TBXAS1: variants seen among roughly 807,000 people sequenced by gnomAD.
TBXAS1 encodes thromboxane-A synthase.
Under a neutral mutation model 60.7 loss-of-function variants are expected in TBXAS1, and 48 were observed. The observed-to-expected ratio is 0.79, with a 90% CI of 0.63 to 1.01. TBXAS1 has a LOEUF of 1.01. Ranked by LOEUF, TBXAS1 falls within the 50% of genes least tolerant of loss-of-function variation. The probability of loss-of-function intolerance (pLI) is 0.00; values close to 1 mark genes in which losing one functional copy is unlikely to be tolerated. For missense variants in TBXAS1, 685 were observed against 686.3 expected, an observed-to-expected ratio of 1.00 and a Z score of 0.02; for synonymous variants, 287 against 269.7, an observed-to-expected ratio of 1.06 and a Z score of -0.63.
intron 9 of TBXAS1, among the ~76,000 whole-genome samples, chr7:139,985,396 G>A (rs1345046728): frequency 6.6e-6 from 1 of 152,230 alleles, no homozygotes; most frequent in African/African-American, 2.4e-5. Context: ...ATGGTGTGGA[G>A]TACAGAGCGG....
chr7:139,822,636 A>G (rs191026257), intron 4 of TBXAS1, among the ~76,000 whole-genome samples: 2 of 152,258 alleles, frequency 1.3e-5, no homozygotes, highest in East Asian at 3.9e-4. Context: ...GTCGTACTGT[A>G]TGGCACTATC....
chr7:139,943,806 T>C (rs1445923153), intron 5 of TBXAS1, among the ~76,000 whole-genome samples: 3 of 152,170 alleles, frequency 2.0e-5, no homozygotes, highest in Non-Finnish European at 2.9e-5. Context: ...ATAAGTTTCA[T>C]TAGTGGAAAT....
At chr7:139,818,131 G>T (rs932064882) in intron 4 of TBXAS1, among the ~76,000 whole-genome samples, 2 of 152,188 alleles carry the variant, frequency 1.3e-5, no homozygotes, top group Non-Finnish European at 2.9e-5. Context: ...AGTAGGATTG[G>T]GGTGCTGTGG....
chr7:139,983,445 G>T (rs992925196), intron 9 of TBXAS1, among the ~76,000 whole-genome samples: 2 of 152,214 alleles, frequency 1.3e-5, no homozygotes, highest in Non-Finnish European at 2.9e-5. Context: ...GGCTCAGAGA[G>T]GTTAAGTGTT....
At chr7:139,814,941 T>G (rs559494695) in intron 4 of TBXAS1, among the ~76,000 whole-genome samples, 1 of 152,288 alleles carries the variant, frequency 6.6e-6, no homozygotes, top group African/African-American at 2.4e-5. Context: ...CATCCTCCCC[T>G]AGCACCTGTC....
chr7:139,784,139 G>GCCTA (rs888558134), intron 3 of TBXAS1, among the ~76,000 whole-genome samples: 1 of 148,552 alleles, frequency 6.7e-6, no homozygotes, highest in African/African-American at 2.5e-5. Context: ...CTGCCTGCCT[G>GCCTA]CCTGCCTGCC....
At chr7:139,857,585 A>G (rs1800665838) in intron 1 of TBXAS1, among the ~76,000 whole-genome samples, 1 of 152,160 alleles carries the variant, frequency 6.6e-6, no homozygotes, top group Admixed American at 6.5e-5. Flanking sequence ...ATAGAAACAC[A>G]CGTTGTGTGT....
intron 1 of TBXAS1, among the ~76,000 whole-genome samples, chr7:139,871,800 C>A (rs1801842973): frequency 6.6e-6 from 1 of 152,104 alleles, no homozygotes; most frequent in Non-Finnish European, 1.5e-5. Context: ...TTAGTCTTGA[C>A]CATGAAAATA....
intron 3 of TBXAS1, among the ~76,000 whole-genome samples, chr7:139,910,946 T>C (rs1398302932): frequency 6.6e-6 from 1 of 152,228 alleles, no homozygotes; most frequent in Non-Finnish European, 1.5e-5. Flanking sequence ...CCTATTAGGC[T>C]GTAATAAGCT....
At chr7:139,984,766 A>G (rs1344899020) in intron 9 of TBXAS1, among the ~76,000 whole-genome samples, 1 of 86,946 alleles carries the variant, frequency 1.2e-5, no homozygotes, top group Non-Finnish European at 2.4e-5. Flanking sequence ...GAAAGAAAGC[A>G]GGAAAGAAAG....
intron 9 of TBXAS1, among the ~76,000 whole-genome samples, chr7:139,966,880 C>T (rs41719): frequency 6.6e-6 from 1 of 152,164 alleles, no homozygotes. Flanking sequence ...CCCTCCCCCA[C>T]CCCTGCTGGG....
rs568397675 is a variant in TBXAS1 at position 140,010,308 on chromosome 7, C to T, written c.1226+3126C>T. Reference sequence around the variant, plus strand: ...TATTATTTTATTTCATCTCAAAAAGCGTGTTGACTTTTCCCAAGTGCTGAC... The same window carrying T: ...TATTATTTTATTTCATCTCAAAAAGTGTGTTGACTTTTCCCAAGTGCTGAC... On this transcript the variant is annotated intron_variant, in intron 10 of 12. Transcript: ENST00000448866. Among the ~76,000 whole-genome samples, 15 of 152,220 alleles carry T rather than the reference C, an allele frequency of 9.9e-5. No homozygotes were observed. In the South Asian group the frequency reaches 2.9e-3, roughly 29 times the overall value.
At chr7:139,985,778 G>A (rs2117554150) in intron 9 of TBXAS1, among the ~76,000 whole-genome samples, 1 of 152,322 alleles carries the variant, frequency 6.6e-6, no homozygotes, top group Middle Eastern at 3.4e-3. Flanking sequence ...CCAATGTCCA[G>A]CACGGAACTG....
At chr7:139,937,760 C>CA in intron 5 of TBXAS1, among the ~76,000 whole-genome samples, 1 of 152,252 alleles carries the variant, frequency 6.6e-6, no homozygotes, top group African/African-American at 2.4e-5. Flanking sequence ...GCAGCAGAGC[C>CA]AAAATCAGAA....
At chr7:139,847,844 T>C (rs1490999030) in intron 1 of TBXAS1, among the ~76,000 whole-genome samples, 1 of 152,176 alleles carries the variant, frequency 6.6e-6, no homozygotes. Context: ...TGTTTTGAAA[T>C]AGGATCTTGC....
intron 3 of TBXAS1, among the ~76,000 whole-genome samples, chr7:139,883,908 A>G (rs975522846): frequency 6.6e-6 from 1 of 152,244 alleles, no homozygotes; most frequent in South Asian, 2.1e-4. Context: ...AAACATTTAC[A>G]AGTTGGTCAC....
intron 10 of TBXAS1, 100 bp downstream of exon 10, chr7:140,007,282 T>C (rs1814163506): frequency 8.9e-7 from 1 of 1,123,418 alleles, no homozygotes; most frequent in Non-Finnish European, 1.3e-6. Context: ...TTACCACTTG[T>C]GTTTCTGGAG....
chr7:140,002,286 G>A (rs1016039123), intron 9 of TBXAS1, among the ~76,000 whole-genome samples: 2 of 152,216 alleles, frequency 1.3e-5, no homozygotes, highest in Non-Finnish European at 2.9e-5. Context: ...CCCATCCAAG[G>A]TGCCCGCTGA....
intron 4 of TBXAS1, among the ~76,000 whole-genome samples, chr7:139,809,242 G>GATA (rs1175172867): frequency 5.7e-5 from 2 of 35,334 alleles, no homozygotes; most frequent in African/African-American, 8.5e-5. Flanking sequence ...ATGATAGATA[G>GATA]ATAGATAGAT....
Sources: gnomAD v4.1 joint callset for allele counts (sites outside exome capture counted in the v4.1 genomes callset) on GRCh38, gnomAD v4.1.1 for gene constraint, MANE v1.5 for transcripts, NCBI Gene and HGNC (gene_info 2026-07-23, HGNC 2026-07-21) for gene names.